SMC6: variants seen among roughly 807,000 people sequenced by gnomAD.
The protein encoded by SMC6 is structural maintenance of chromosomes protein 6.
SMC6 carries 79 observed loss-of-function variants against 142.2 expected under a neutral mutation model. The ratio of observed to expected loss-of-function variants is 0.56; its 90% confidence interval spans 0.46 to 0.67. The LOEUF (loss-of-function observed/expected upper bound fraction) is 0.67. Ranked by LOEUF, SMC6 falls within the 30% of genes least tolerant of loss-of-function variation. The pLI is 0.00. For missense variants in SMC6, 1,072 were observed against 1,284.0 expected, an observed-to-expected ratio of 0.83 and a Z score of 2.52; for synonymous variants, 411 against 412.4, an observed-to-expected ratio of 1.00 and a Z score of 0.04.
chr2:17,732,768 A>AT (rs1164943414), intron 5 of SMC6, among the ~76,000 whole-genome samples: 4 of 152,162 alleles, frequency 2.6e-5, no homozygotes, highest in Admixed American at 1.3e-4. Flanking sequence ...AAAAAGACAT[A>AT]TTTTAAAATA....
intron 20 of SMC6, among the ~76,000 whole-genome samples, chr2:17,700,696 G>T (rs1457253191): frequency 6.6e-6 from 1 of 152,108 alleles, no homozygotes; most frequent in East Asian, 1.9e-4. Flanking sequence ...TATGTTAGAT[G>T]CTAAGTAAAC....
chr2:17,672,519 C>CACT (rs143227854), intron 25 of SMC6, among the ~76,000 whole-genome samples: 1,571 of 152,186 alleles, frequency 0.01, 9 homozygotes, highest in Non-Finnish European at 0.017. Context: ...CCTGGGTAAC[C>CACT]ACTACTGAGA....
At chr2:17,673,513 A>G (rs1240598336) in intron 25 of SMC6, among the ~76,000 whole-genome samples, 1 of 151,916 alleles carries the variant, frequency 6.6e-6, no homozygotes, top group African/African-American at 2.4e-5. Context: ...CTTTTTGTAT[A>G]TAAAGTTAGG....
chr2:17,678,503 C>T (rs539696766), intron 25 of SMC6, among the ~76,000 whole-genome samples: 2 of 151,358 alleles, frequency 1.3e-5, no homozygotes, highest in Admixed American at 6.6e-5. Flanking sequence ...CATGGTGGCT[C>T]ACACCGATAA....
At chr2:17,746,741 T>G (rs1470938603) in intron 2 of SMC6, among the ~76,000 whole-genome samples, 1 of 152,210 alleles carries the variant, frequency 6.6e-6, no homozygotes, top group Non-Finnish European at 1.5e-5. Context: ...ATGATTAAAA[T>G]TAAACTTTAT....
At chr2:17,726,298 C>A in intron 8 of SMC6, 91 bp downstream of exon 8, 1 of 907,458 alleles carries the variant, frequency 1.1e-6, no homozygotes, top group African/African-American at 1.7e-5. Context: ...AAAAAAAACT[C>A]AGCCTCCATT....
rs139342675 is a variant in SMC6, at chr2:17,744,064, G to A, written c.120+1763C>T. On this transcript the variant is annotated intron_variant, in intron 3 of 27. Transcript: ENST00000448223. The stretch of plus-strand genomic sequence containing the variant: ...TGAATGCACAGGTTTTCATGTGGAC[G>A]TAAGTTTTCAACTCCTTTGGGTAAA... 2.6e-4 allele frequency among the ~76,000 whole-genome samples: 39 copies of A among 152,276 alleles called. No homozygotes were observed. In the East Asian group the frequency reaches 6.9e-3, roughly 27 times the overall value.
intron 7 of SMC6, among the ~76,000 whole-genome samples, chr2:17,730,449 T>C (rs1030484620): frequency 7.3e-5 from 11 of 150,698 alleles, no homozygotes; most frequent in African/African-American, 2.4e-4. Context: ...ACAATGATGC[T>C]ATTTTGACTA....
rs764242372 is a variant in SMC6, at chr2:17,707,372, G to T, written c.1853C>A (p.Ser618Tyr). The T allele has an allele frequency of 6.6e-7, 1 of 1,514,978 alleles. No homozygotes were observed. The highest frequency in any genetic ancestry group is 8.8e-7 in the Non-Finnish European group (1 of 1,135,884). The allele number at this position is 1,514,978 out of a possible 1,614,324, so 93.8% of individuals were successfully genotyped here. A position where few individuals can be genotyped will look rare whatever the true frequency, so the allele number is the denominator to read the frequency against. ...IETVLLIKNN[S>Y]VARAVMQSQK... ...GGACTGCATTACTGCACGAGCTACA[G>T]AATTATTCTAAAAGAATAGAAGAAA... Residue 618 changes from serine (S) to tyrosine (Y), a missense_variant, in exon 18 of 28, where the codon TCT becomes TAT. By Grantham distance (144) the Ser-to-Tyr change is moderately radical. Transcript: ENST00000448223.
At chr2:17,712,365 A>T (rs1379760267) in intron 16 of SMC6, among the ~76,000 whole-genome samples, 2 of 152,184 alleles carry the variant, frequency 1.3e-5, no homozygotes, top group African/African-American at 2.4e-5. Context: ...TAATTTTTTT[A>T]AATGGTTAAT....
chr2:17,695,736 T>C (rs1023767520), intron 22 of SMC6, among the ~76,000 whole-genome samples: 3 of 152,222 alleles, frequency 2.0e-5, no homozygotes, highest in Non-Finnish European at 2.9e-5. Flanking sequence ...TTCACAACTT[T>C]CTGTATTATT....
chr2:17,744,605 C>T (rs900743876), intron 3 of SMC6, among the ~76,000 whole-genome samples: 6 of 152,142 alleles, frequency 3.9e-5, no homozygotes, highest in Non-Finnish European at 8.8e-5. Flanking sequence ...GCTAGATTTT[C>T]TAGCACTATG....
At chr2:17,673,665 G>A (rs543584058) in intron 25 of SMC6, among the ~76,000 whole-genome samples, 6 of 151,698 alleles carry the variant, frequency 4.0e-5, no homozygotes, top group East Asian at 3.9e-4. Flanking sequence ...CGCCTCCCGG[G>A]TTTAAGCGAT....
At chr2:17,710,634 C>A (rs1668783369) in intron 16 of SMC6, among the ~76,000 whole-genome samples, 1 of 151,890 alleles carries the variant, frequency 6.6e-6, no homozygotes, top group Non-Finnish European at 1.5e-5. Flanking sequence ...GGTCCTTGGG[C>A]CAAGTGAAAA....
At chr2:17,745,060 T>A (rs10207285) in intron 3 of SMC6, among the ~76,000 whole-genome samples, 5,458 of 152,288 alleles carry the variant, frequency 0.036, 275 homozygotes, top group African/African-American at 0.11. Flanking sequence ...CGGAGTCCTG[T>A]GAACCAATCC....
At chr2:17,696,598 A>G (rs1667998223) in intron 21 of SMC6, among the ~76,000 whole-genome samples, 172 bp from the exon 22 acceptor site, 1 of 152,126 alleles carries the variant, frequency 6.6e-6, no homozygotes, top group Admixed American at 6.5e-5. Flanking sequence ...TTAGGAAGTC[A>G]CATTAAATTC....
intron 25 of SMC6, among the ~76,000 whole-genome samples, chr2:17,675,733 T>C (rs1666966832): frequency 6.6e-6 from 1 of 152,148 alleles, no homozygotes. Context: ...TTATTGTTGC[T>C]CTTTCGAAAC....
intron 3 of SMC6, among the ~76,000 whole-genome samples, chr2:17,744,625 T>A (rs146693099): frequency 2.0e-5 from 3 of 152,336 alleles, no homozygotes; most frequent in African/African-American, 7.2e-5. Context: ...GTTGAATAAG[T>A]GACAGAAGCA....
chr2:17,671,722 T>C (rs1249620389), intron 25 of SMC6, among the ~76,000 whole-genome samples: 1 of 151,464 alleles, frequency 6.6e-6, no homozygotes, highest in African/African-American at 2.4e-5. Flanking sequence ...CTAAATAAAA[T>C]CTTTAAAAAA....
Sources: gnomAD v4.1 joint callset for allele counts (sites outside exome capture counted in the v4.1 genomes callset) on GRCh38, gnomAD v4.1.1 for gene constraint, MANE v1.5 for transcripts, NCBI Gene and HGNC (gene_info 2026-07-23, HGNC 2026-07-21) for gene names.